The following DUOX1 variants were observed in gnomAD, a reference collection of about 807,000 sequenced individuals.
DUOX1 encodes the protein dual oxidase 1.
A neutral mutation model predicts 181.8 loss-of-function variants in DUOX1; 134 were observed. That is an observed-to-expected ratio of 0.74 (90% CI 0.64 to 0.85). The LOEUF (loss-of-function observed/expected upper bound fraction) is 0.85, where lower values mean the gene tolerates loss of function less well. DUOX1 is among the 40% of genes least tolerant of loss of function. The pLI, the probability that DUOX1 is intolerant of heterozygous loss-of-function variation, is 0.00. For synonymous variants in DUOX1, 798 were observed against 832.5 expected (o/e 0.96, Z 0.71); for missense variants, 1,814 against 2,064.4 (o/e 0.88, Z 2.35).
rs1425267654 is a variant in DUOX1, at chr15:45,129,997, G to C, written c.-151G>C. On this transcript the variant is annotated 5_prime_UTR_variant, in exon 1 of 34. Transcript: ENST00000389037. The surrounding 1 kb of genome is among the most constrained non-coding windows in gnomAD (Gnocchi z 4.1). ...CCCCAGCCCCGCCCGTCCCGGCGCAGAGCTGCAGAGGCACCGGACGAGAGA... is the reference window on the plus strand; with the variant it reads ...CCCCAGCCCCGCCCGTCCCGGCGCACAGCTGCAGAGGCACCGGACGAGAGA... 1 of 152,276 alleles carries C rather than the reference G, an allele frequency of 6.6e-6. No individual in the cohort carries two copies. Among genetic ancestry groups the C allele is most frequent in the East Asian group, 1.9e-4 (1 of 5,166 alleles). 9.4% of individuals were successfully genotyped at this position (152,276 alleles called of 1,614,324 possible). A position where few individuals can be genotyped will look rare whatever the true frequency, so the allele number is the denominator to read the frequency against.
chr15:45,133,086 G>C (rs1360526308), intron 2 of DUOX1, among the ~76,000 whole-genome samples: 2 of 152,220 alleles, frequency 1.3e-5, no homozygotes, highest in Non-Finnish European at 2.9e-5. Flanking sequence ...CTACTGATCA[G>C]AAAGATCCCT....
rs762449607 is a variant in DUOX1, at chr15:45,148,279, A to G, written c.2650A>G (p.Ile884Val). The G allele has an allele frequency of 6.2e-7, 1 of 1,614,196 alleles. No individual in the cohort carries two copies. The highest frequency in any genetic ancestry group is 8.5e-7 in the Non-Finnish European group (1 of 1,180,046). Residue 884 changes from isoleucine (I) to valine (V), a missense_variant, in exon 21 of 34, where the codon ATC (isoleucine) becomes GTC (valine). Ile to Val is a conservative substitution (Grantham distance 29). This residue lies in a region of DUOX1 where 1,064 missense variants were observed against 1,152.9 expected (regional missense o/e 0.92). Coordinates refer to ENST00000389037, the MANE Select transcript of DUOX1 (RefSeq NM_175940.3). Reference sequence around the variant, plus strand: ...CCTCTCCCCCAACCCCAGATCCTTCATCGAGATCTCCAACAACTGCCTGTC... The same window carrying G: ...CCTCTCCCCCAACCCCAGATCCTTCGTCGAGATCTCCAACAACTGCCTGTC... ...DEFIRMLRSF[I>V]EISNNCLSKA...
intron 4 of DUOX1, among the ~76,000 whole-genome samples, chr15:45,134,898 C>G (rs1345001910): frequency 6.6e-6 from 1 of 152,220 alleles, no homozygotes; most frequent in Non-Finnish European, 1.5e-5. Flanking sequence ...AAACTGTCAA[C>G]GACAACAGCT....
chr15:45,142,175 G>A (rs1231931578), intron 15 of DUOX1, 63 bp downstream of exon 15: 1 of 1,565,180 alleles, frequency 6.4e-7, no homozygotes, highest in African/African-American at 1.4e-5. Context: ...AGTTTGGGTG[G>A]TTCCACTAAT....
intron 15 of DUOX1, 134 bp downstream of exon 15, chr15:45,142,246 AGAG>A (rs1382723460): frequency 3.8e-6 from 4 of 1,049,778 alleles, no homozygotes; most frequent in Non-Finnish European, 5.5e-6. Flanking sequence ...ATGAAACATT[AGAG>A]GAGGAAGGGA....
At chr15:45,144,624 C>T (rs1170966449) in intron 17 of DUOX1, among the ~76,000 whole-genome samples, 1 of 152,200 alleles carries the variant, frequency 6.6e-6, no homozygotes, top group African/African-American at 2.4e-5. Flanking sequence ...GGCCCATGAT[C>T]CCCTCCATCC....
chr15:45,152,002 TG>T lies in DUOX1; in HGVS notation c.3145del (p.Ala1049ProfsTer102), dbSNP rs1896819382. 6.2e-7 allele frequency: 1 copy of T among 1,614,144 alleles called. No individual in the cohort carries two copies. Among genetic ancestry groups the T allele is most frequent in the South Asian group, 1.1e-5 (1 of 91,086 alleles). On this transcript the variant is annotated frameshift_variant, in exon 24 of 34. Transcript: ENST00000389037. LOFTEE classifies it high-confidence loss of function. ...AACTACCGGCGCCACATCGGCTGCG[TG>T]GCCGTGTTCTACGCCATCGCTGGGG... The part of the protein sequence containing the change: ...IENYRRHIGC[V>X]AVFYAIAGGL...
chr15:45,136,255 C>T, intron 7 of DUOX1, 95 bp from the exon 8 acceptor site: 1 of 1,525,712 alleles, frequency 6.6e-7, no homozygotes. Flanking sequence ...CCTGGCTGGT[C>T]CTCATCTCCA....
intron 18 of DUOX1, among the ~76,000 whole-genome samples, chr15:45,145,741 C>G (rs1422739177): frequency 6.6e-6 from 1 of 151,956 alleles, no homozygotes; most frequent in Non-Finnish European, 1.5e-5. Context: ...ATGGTGAAAC[C>G]CCGTCTCTAC....
chr15:45,144,229 T>G lies in DUOX1; in HGVS notation c.2130T>G (p.Tyr710Ter). The change falls in exon 17 of 34, where the codon TAT (tyrosine) becomes TAG (stop). Residue 710 changes from tyrosine (Y) to a stop codon, truncating the protein, a stop_gained. Coordinates refer to ENST00000389037, the MANE Select transcript of DUOX1 (RefSeq NM_175940.3). LOFTEE classifies it high-confidence loss of function. ...RTLLLKIPKE[Y>*]DLVLLFNLEE... ...TGCTGCTCAAGATCCCCAAGGAGTA[T>G]GACCTGGTATGGCTCAGCTGGCATC... is the stretch of plus-strand genomic sequence containing the variant. 6.2e-7 allele frequency: 1 copy of G among 1,613,996 alleles called. No homozygotes were observed. Among genetic ancestry groups the G allele is most frequent in the Non-Finnish European group, 8.5e-7 (1 of 1,180,030 alleles).
At chr15:45,156,039 C>G in intron 28 of DUOX1, 110 bp downstream of exon 28, 5 of 1,438,706 alleles carry the variant, frequency 3.5e-6, no homozygotes, top group Non-Finnish European at 4.8e-6. Context: ...GAAGCATCCT[C>G]TTCACTTCTC....
chr15:45,151,007 C>T (rs1474878102), intron 22 of DUOX1, 116 bp from the exon 23 acceptor site: 1 of 1,429,226 alleles, frequency 7.0e-7, no homozygotes. Flanking sequence ...CCTGCTGTCC[C>T]CTTGCTGACA....
chr15:45,154,475 C>T (rs1567019019), intron 27 of DUOX1, among the ~76,000 whole-genome samples: 2 of 152,220 alleles, frequency 1.3e-5, no homozygotes, highest in East Asian at 1.9e-4. Flanking sequence ...AATCACCCAT[C>T]TTAGAGCTAT....
chr15:45,139,250 AG>A (rs765959810), intron 11 of DUOX1, 82 bp downstream of exon 11: 2 of 1,608,748 alleles, frequency 1.2e-6, no homozygotes, highest in Non-Finnish European at 1.7e-6. Context: ...ACCAGGTATG[AG>A]GGGGTGCCTG....
chr15:45,146,289 C>T (rs1034020583), intron 18 of DUOX1, among the ~76,000 whole-genome samples: 6 of 152,232 alleles, frequency 3.9e-5, no homozygotes, highest in African/African-American at 1.4e-4. Flanking sequence ...CAGACATTTA[C>T]TCTGTGCCAG....
At chr15:45,145,113 T>C in intron 18 of DUOX1, 33 bp downstream of exon 18, 1 of 1,542,738 alleles carries the variant, frequency 6.5e-7, no homozygotes, top group Non-Finnish European at 8.7e-7. Flanking sequence ...ATCCTTATGC[T>C]GTGGTGGTGT....
At chr15:45,145,505 G>A (rs1193301391) in intron 18 of DUOX1, among the ~76,000 whole-genome samples, 1 of 152,244 alleles carries the variant, frequency 6.6e-6, no homozygotes, top group Non-Finnish European at 1.5e-5. Flanking sequence ...AGACTTCTGA[G>A]AGAGACTGGG....
Position 45,165,221 on chromosome 15 carries a change from A to G in DUOX1, c.*320A>G, listed in dbSNP as rs201764365. ...TCTCAGAAGACAAGCTGACCTGACA[A>G]GTACTATGTGTGTGCATGTCTGTAT... is the stretch of plus-strand genomic sequence containing the variant. On this transcript the variant is annotated 3_prime_UTR_variant, in exon 34 of 34. Transcript: ENST00000389037. 12 of 424,976 alleles carry G rather than the reference A, an allele frequency of 2.8e-5. No homozygotes were observed. In the East Asian group the frequency reaches 5.5e-4, roughly 20 times the overall value. 26.3% of individuals were successfully genotyped at this position (424,976 alleles called of 1,614,324 possible). A position where few individuals can be genotyped will look rare whatever the true frequency, so the allele number is the denominator to read the frequency against.
chr15:45,155,526 A>C (rs1443166681), intron 27 of DUOX1: 1 of 392,996 alleles, frequency 2.5e-6, no homozygotes, highest in Non-Finnish European at 4.6e-6. Context: ...AGATTGCACC[A>C]ATGCACTCCA....
Sources: allele counts gnomAD v4.1 joint callset (sites outside exome capture counted in the v4.1 genomes callset), GRCh38; gene constraint gnomAD v4.1.1; regional missense constraint gnomAD v4.1.1; non-coding constraint Gnocchi (gnomAD v3.1); transcripts MANE v1.5; gene names NCBI Gene and HGNC (gene_info 2026-07-23, HGNC 2026-07-21).